Variants in BANP observed in about 807,000 individuals in gnomAD.
BANP encodes the protein BTG3 associated nuclear protein, also known as protein BANP.
Under a neutral mutation model 68.1 loss-of-function variants are expected in BANP, and 11 were observed. The ratio of observed to expected loss-of-function variants is 0.16; its 90% CI spans 0.10 to 0.27. The LOEUF (loss-of-function observed/expected upper bound fraction) is 0.27, where lower values mean the gene tolerates loss of function less well. Ranked by LOEUF, BANP falls within the 10% of genes least tolerant of loss-of-function variation. The probability of loss-of-function intolerance (pLI) is 1.00; values close to 1 mark genes in which losing one functional copy is unlikely to be tolerated. For missense variants in BANP, 504 were observed against 722.7 expected (o/e 0.70, Z 3.47); for synonymous variants, 329 against 303.2 (o/e 1.09, Z -0.88).
chr16:88,063,143 CTTCT>C (rs1439411455), intron 11 of BANP, among the ~76,000 whole-genome samples: 1 of 152,256 alleles, frequency 6.6e-6, no homozygotes, highest in Non-Finnish European at 1.5e-5. Flanking sequence ...GCACCGCGGC[CTTCT>C]GTGTGACTGT....
At chr16:88,006,343 T>G in intron 6 of BANP, 78 bp downstream of exon 6, 1 of 1,500,140 alleles carries the variant, frequency 6.7e-7, no homozygotes, top group East Asian at 2.3e-5. Context: ...AATTTTGTTG[T>G]TTTTTAAAGA....
At chr16:87,983,684 T>G (rs114392739) in intron 3 of BANP, among the ~76,000 whole-genome samples, 2,862 of 150,740 alleles carry the variant, frequency 0.019, 100 homozygotes, top group African/African-American at 0.066. Context: ...TTTTATGCTG[T>G]GTCGATGTTA....
intron 2 of BANP, among the ~76,000 whole-genome samples, chr16:87,979,327 T>G (rs2062818334): frequency 6.6e-6 from 1 of 152,184 alleles, no homozygotes; most frequent in African/African-American, 2.4e-5. Flanking sequence ...CAGGAGTGCT[T>G]CACCCACATC....
chr16:87,988,448 T>G (rs1246962031), intron 4 of BANP, among the ~76,000 whole-genome samples: 1 of 151,674 alleles, frequency 6.6e-6, no homozygotes, highest in Non-Finnish European at 1.5e-5. Context: ...TTTTTTTAAA[T>G]TAGAGATGGG....
At chr16:87,965,540 G>A (rs879590820) in intron 1 of BANP, among the ~76,000 whole-genome samples, 2 of 151,464 alleles carry the variant, frequency 1.3e-5, no homozygotes, top group Admixed American at 1.3e-4. Flanking sequence ...GTGAGAGGGA[G>A]GAGAGCAGGA....
At chr16:88,075,888 A>G (rs544278444) in intron 13 of BANP, among the ~76,000 whole-genome samples, 1 of 151,012 alleles carries the variant, frequency 6.6e-6, no homozygotes, top group East Asian at 2.0e-4. Flanking sequence ...CTGGGACTAC[A>G]GGTGTGCACC....
intron 6 of BANP, among the ~76,000 whole-genome samples, chr16:88,013,025 C>A (rs1294417816): frequency 6.6e-6 from 1 of 152,182 alleles, no homozygotes; most frequent in East Asian, 1.9e-4. Context: ...CAGTGCCTTC[C>A]ATTTCAGTGT....
At chr16:88,046,843 G>A (rs1013786935) in intron 11 of BANP, among the ~76,000 whole-genome samples, 4 of 152,054 alleles carry the variant, frequency 2.6e-5, no homozygotes, top group Admixed American at 1.3e-4. Flanking sequence ...GAGGCGGGCA[G>A]ATCACGAAGT....
chr16:88,038,126 A>G (rs1164992879), intron 11 of BANP, 115 bp downstream of exon 11: 2 of 356,828 alleles, frequency 5.6e-6, no homozygotes, highest in East Asian at 9.1e-5. Context: ...ACATGTGGGC[A>G]TTGCGCTGCC....
At position 88,076,716 on chromosome 16, in the gene BANP, C is replaced by G. The variant is rs1022601421; in HGVS notation, c.*55C>G. The G allele has an allele frequency of 1.5e-4, 220 of 1,476,558 alleles. 1 individual carries two copies. Among genetic ancestry groups the G allele is most frequent in the Admixed American group, 8.2e-4 (43 of 52,542 alleles). The allele number at this position is 1,476,558 out of a possible 1,614,324, so 91.5% of individuals were successfully genotyped here. A position where few individuals can be genotyped will look rare whatever the true frequency, so the allele number is the denominator to read the frequency against. ...CCGGCTCCGCCTACGGCCCGGCCCCCACGCGCCCTGCTCTCACGGCCTCGG... is the reference window on the plus strand; with the variant it reads ...CCGGCTCCGCCTACGGCCCGGCCCCGACGCGCCCTGCTCTCACGGCCTCGG... On this transcript the variant is annotated 3_prime_UTR_variant, in exon 14 of 14. Coordinates refer to ENST00000682872, the MANE Select transcript of BANP (RefSeq NM_001386991.1).
At chr16:88,013,292 G>GAAAAAAA (rs1442186601) in intron 6 of BANP, among the ~76,000 whole-genome samples, 1 of 152,248 alleles carries the variant, frequency 6.6e-6, no homozygotes, top group Non-Finnish European at 1.5e-5. Context: ...GAGGACTGAG[G>GAAAAAAA]AAATGAGGCC....
intron 6 of BANP, among the ~76,000 whole-genome samples, chr16:88,008,785 G>C (rs576949100): frequency 6.6e-6 from 1 of 152,276 alleles, no homozygotes; most frequent in South Asian, 2.1e-4. Flanking sequence ...TAATTTTGCT[G>C]TACAACACAG....
At position 87,998,707 on chromosome 16, in the gene BANP, C is replaced by T. The variant is rs529435022; in HGVS notation, c.363-5588C>T. ...GGCTGGACTTACCTGTCCTTCCAGACGTGTCTCCATGCACGCACGTGCGCG... is the reference window on the plus strand; with the variant it reads ...GGCTGGACTTACCTGTCCTTCCAGATGTGTCTCCATGCACGCACGTGCGCG... On this transcript the variant is annotated intron_variant, in intron 4 of 13. Transcript: ENST00000682872. Among the ~76,000 whole-genome samples, 97 of 150,270 alleles carry T rather than the reference C, an allele frequency of 6.5e-4. 1 individual carries two copies. The highest frequency in any genetic ancestry group is 1.1e-3 in the Non-Finnish European group (71 of 67,356).
chr16:88,006,258 C>T lies in BANP; in HGVS notation c.648C>T (p.Asn216=), dbSNP rs1166482700. 1.9e-6 allele frequency: 3 copies of T among 1,601,558 alleles called. No individual in the cohort carries two copies. The East Asian group carries it at 6.7e-5, about 36-fold the overall frequency. ...GCAACGTCACGCTCATCACCCTGAA[C>T]TCGGAAGGTGCGTCCAGGGCGGCTT... ...IGSNVTLITL[N]SEEDYPNGTW... Residue 216 remains asparagine, a synonymous_variant, in exon 6 of 14, where the codon AAC becomes AAT. Transcript: ENST00000682872.
intron 11 of BANP, among the ~76,000 whole-genome samples, chr16:88,059,479 C>T (rs1349465217): frequency 6.6e-6 from 1 of 152,134 alleles, no homozygotes; most frequent in African/African-American, 2.4e-5. Flanking sequence ...ACCCTGTTTT[C>T]AATTAAGCCC....
intron 8 of BANP, among the ~76,000 whole-genome samples, chr16:88,030,188 A>G (rs2077851780): frequency 6.6e-6 from 1 of 152,238 alleles, no homozygotes; most frequent in African/African-American, 2.4e-5. Flanking sequence ...TAAAATTCAC[A>G]ATCTCCAGTA....
At chr16:88,016,639 G>A (rs766117131) in intron 6 of BANP, among the ~76,000 whole-genome samples, 2 of 152,236 alleles carry the variant, frequency 1.3e-5, no homozygotes, top group Non-Finnish European at 2.9e-5. Context: ...CCGGAAGCTG[G>A]AGTCTCGAAG....
At chr16:88,012,028 C>T (rs2073287153) in intron 6 of BANP, among the ~76,000 whole-genome samples, 1 of 152,206 alleles carries the variant, frequency 6.6e-6, no homozygotes, top group South Asian at 2.1e-4. Flanking sequence ...TCCTGGCATA[C>T]CCCAACACAT....
intron 11 of BANP, among the ~76,000 whole-genome samples, chr16:88,048,919 G>A (rs1391590217): frequency 6.6e-6 from 1 of 152,216 alleles, no homozygotes. Context: ...TTCGTCAGGT[G>A]TGGGGTGCGG....
Sources: gnomAD v4.1 joint callset for allele counts (sites outside exome capture counted in the v4.1 genomes callset) on GRCh38, gnomAD v4.1.1 for gene constraint, MANE v1.5 for transcripts, NCBI Gene and HGNC (gene_info 2026-07-23, HGNC 2026-07-21) for gene names.